SEMA3A: variants seen among roughly 807,000 people sequenced by gnomAD.
The protein encoded by SEMA3A is semaphorin-3A.
SEMA3A carries 29 observed loss-of-function variants against 97.9 expected under a neutral mutation model. That is an observed-to-expected ratio of 0.30 (90% confidence interval 0.22 to 0.40). The LOEUF is 0.40. Ranked by LOEUF, SEMA3A falls within the 10% of genes least tolerant of loss-of-function variation. The probability of loss-of-function intolerance (pLI) is 1.00; values close to 1 mark genes in which losing one functional copy is unlikely to be tolerated. For synonymous variants in SEMA3A, 321 were observed against 323.7 expected, an observed-to-expected ratio of 0.99 and a Z score of 0.09; for missense variants, 763 against 951.3, an observed-to-expected ratio of 0.80 and a Z score of 2.60.
At chr7:84,261,958 T>A (rs1562876637) in intron 3 of SEMA3A, among the ~76,000 whole-genome samples, 1 of 152,208 alleles carries the variant, frequency 6.6e-6, no homozygotes, top group African/African-American at 2.4e-5. Flanking sequence ...TCTTTTTTCT[T>A]AGAGAGGAAA....
At chr7:84,302,506 C>T (rs1801043195) in intron 3 of SEMA3A, among the ~76,000 whole-genome samples, 1 of 152,054 alleles carries the variant, frequency 6.6e-6, no homozygotes, top group African/African-American at 2.4e-5. Context: ...AATATTTAGC[C>T]AGCCATAAAA....
At chr7:84,251,220 T>G (rs1033838558) in intron 3 of SEMA3A, among the ~76,000 whole-genome samples, 2 of 152,218 alleles carry the variant, frequency 1.3e-5, no homozygotes, top group Non-Finnish European at 2.9e-5. Context: ...AACATTCTGG[T>G]TCAATATCGT....
At chr7:84,228,933 C>T (rs777622259) in intron 3 of SEMA3A, among the ~76,000 whole-genome samples, 2 of 151,950 alleles carry the variant, frequency 1.3e-5, no homozygotes, top group Non-Finnish European at 2.9e-5. Context: ...CTAAATTGTC[C>T]CTTTATTAAA....
chr7:84,068,591 G>A (rs1793626088), intron 4 of SEMA3A, among the ~76,000 whole-genome samples: 1 of 152,036 alleles, frequency 6.6e-6, no homozygotes, highest in African/African-American at 2.4e-5. Context: ...TGGTAGTGTG[G>A]TAGAAATTAT....
At chr7:84,336,995 G>C (rs1048874148) in intron 2 of SEMA3A, among the ~76,000 whole-genome samples, 1 of 152,206 alleles carries the variant, frequency 6.6e-6, no homozygotes, top group Non-Finnish European at 1.5e-5. Context: ...CTAGATCAGT[G>C]TTGTGGTTAG....
chr7:84,281,208 T>C (rs144622156), intron 3 of SEMA3A, among the ~76,000 whole-genome samples: 17 of 152,304 alleles, frequency 1.1e-4, no homozygotes, highest in African/African-American at 3.6e-4. Context: ...CCATTTCTGA[T>C]AGAAGATTCG....
chr7:84,418,121 A>G (rs995803015), intron 1 of SEMA3A, among the ~76,000 whole-genome samples: 4 of 152,028 alleles, frequency 2.6e-5, no homozygotes, highest in Non-Finnish European at 5.9e-5. Context: ...AATGACATTT[A>G]AGTCAGTGGA....
chr7:84,192,490 A>G (rs904688533), intron 1 of SEMA3A, among the ~76,000 whole-genome samples: 1 of 151,966 alleles, frequency 6.6e-6, no homozygotes, highest in African/African-American at 2.4e-5. Context: ...AAGCAGAATA[A>G]TTCTAATGGA....
intron 1 of SEMA3A, among the ~76,000 whole-genome samples, chr7:84,379,697 GA>G (rs1204757949): frequency 6.6e-6 from 1 of 151,448 alleles, no homozygotes; most frequent in Admixed American, 6.6e-5. Flanking sequence ...GAAAAAAAAA[GA>G]AAAAAAAGAA....
chr7:84,195,119 AG>A (rs1475032155), upstream of SEMA3A: 2 of 152,286 alleles, frequency 1.3e-5, no homozygotes. Flanking sequence ...TCCCACAGAC[AG>A]GTTTCCCCAA....
chr7:84,455,444 A>G (rs773183847), intron 1 of SEMA3A, among the ~76,000 whole-genome samples: 4 of 152,006 alleles, frequency 2.6e-5, no homozygotes, highest in Non-Finnish European at 5.9e-5. Flanking sequence ...ATATTTCTAA[A>G]TGTTCAATAT....
intron 1 of SEMA3A, among the ~76,000 whole-genome samples, chr7:84,457,713 A>C (rs1322511378): frequency 6.6e-6 from 1 of 151,962 alleles, no homozygotes; most frequent in Non-Finnish European, 1.5e-5. Context: ...AAGTGTTCTG[A>C]CTTGAAAATA....
chr7:84,052,502 G>A, intron 5 of SEMA3A, among the ~76,000 whole-genome samples: 1 of 152,082 alleles, frequency 6.6e-6, no homozygotes, highest in East Asian at 1.9e-4. Context: ...TTTGTGTAGA[G>A]GTGTTTGTAG....
intron 2 of SEMA3A, among the ~76,000 whole-genome samples, chr7:84,314,991 C>T (rs140344651): frequency 1.6e-3 from 243 of 152,130 alleles, no homozygotes; most frequent in Non-Finnish European, 2.9e-3. Context: ...GAATAAATAA[C>T]ACATTAACTG....
chr7:84,400,483 T>C (rs1222406242), intron 1 of SEMA3A, among the ~76,000 whole-genome samples: 1 of 152,028 alleles, frequency 6.6e-6, no homozygotes, highest in African/African-American at 2.4e-5. Flanking sequence ...AGCCACAAAA[T>C]AATGAACAAA....
intron 3 of SEMA3A, among the ~76,000 whole-genome samples, chr7:84,203,526 A>ATTTTTTTTTTTTTT (rs35519031): frequency 3.9e-5 from 1 of 25,674 alleles, no homozygotes; most frequent in African/African-American, 1.3e-4. Context: ...ATATATATAT[A>ATTTTTTTTTTTTTT]TTTTTTTTTT....
intron 7 of SEMA3A, among the ~76,000 whole-genome samples, chr7:84,012,151 T>C (rs1790908593): frequency 6.6e-6 from 1 of 152,160 alleles, no homozygotes; most frequent in African/African-American, 2.4e-5. Flanking sequence ...AAGAGATCTA[T>C]TGTACAACAC....
intron 6 of SEMA3A, among the ~76,000 whole-genome samples, chr7:84,044,007 T>C (rs1479191234): frequency 1.3e-5 from 2 of 152,056 alleles, no homozygotes; most frequent in African/African-American, 4.8e-5. Context: ...CTCTCCTTTA[T>C]GTTATTCCAT....
At chr7:84,251,029 T>C (rs1318354097) in intron 3 of SEMA3A, among the ~76,000 whole-genome samples, 1 of 152,194 alleles carries the variant, frequency 6.6e-6, no homozygotes, top group Admixed American at 6.6e-5. Context: ...TCACAGAGCT[T>C]ACTCTTACTA....
Sources: allele counts gnomAD v4.1 joint callset (sites outside exome capture counted in the v4.1 genomes callset), GRCh38; gene constraint gnomAD v4.1.1; transcripts MANE v1.5; gene names NCBI Gene and HGNC (gene_info 2026-07-23, HGNC 2026-07-21).